Variants in GLI3 observed in about 807,000 individuals in gnomAD.
GLI3 encodes the protein transcription activator GLI3.
GLI3 carries 20 observed loss-of-function variants against 100.8 expected under a neutral mutation model. That is an observed-to-expected ratio of 0.20 (90% CI 0.14 to 0.29). The LOEUF is 0.29. Ranked by LOEUF, GLI3 falls within the 10% of genes least tolerant of loss-of-function variation. The pLI is 1.00. For missense variants in GLI3, 2,040 were observed against 2,128.5 expected (o/e 0.96, Z 0.82); for synonymous variants, 938 against 860.5 (o/e 1.09, Z -1.58).
Position 42,248,992 on chromosome 7 carries a change from T to C in GLI3, c.-43+15002A>G, listed in dbSNP as rs1789003392. ...CCTGGGCTCAAGAGACCCATTCACC[T>C]CAGCCTCCCAAAGTGGCTGGGATTG... On this transcript the variant is annotated intron_variant, in intron 1 of 2. Coordinates refer to the GLI3 transcript ENST00000678978. 2.0e-5 allele frequency among the ~76,000 whole-genome samples: 3 copies of C among 151,932 alleles called. No homozygotes were observed. The South Asian group carries it at 6.3e-4, about 32-fold the overall frequency.
intron 2 of GLI3, chr7:42,151,297 C>T (rs1255189247): frequency 6.6e-6 from 1 of 152,164 alleles, no homozygotes; most frequent in African/African-American, 2.4e-5. Flanking sequence ...ACACACTCCA[C>T]AATACAAACA....
chr7:42,214,310 G>T (rs912718325), intron 2 of GLI3, among the ~76,000 whole-genome samples: 13 of 152,130 alleles, frequency 8.5e-5, no homozygotes, highest in Non-Finnish European at 1.8e-4. Flanking sequence ...AAACCATTGT[G>T]TGGCACAGTC....
chr7:41,982,528 C>G (rs1210119670), intron 10 of GLI3, among the ~76,000 whole-genome samples: 1 of 151,782 alleles, frequency 6.6e-6, no homozygotes, highest in Non-Finnish European at 1.5e-5. Context: ...CTGAGCAACA[C>G]AGCGAGACCC....
chr7:42,202,720 A>T (rs1466730485), intron 2 of GLI3, among the ~76,000 whole-genome samples: 1 of 152,184 alleles, frequency 6.6e-6, no homozygotes, highest in Admixed American at 6.5e-5. Context: ...CCAGGCCCCC[A>T]GGCTGCCATC....
At chr7:42,159,534 T>C (rs1454547432) in intron 2 of GLI3, among the ~76,000 whole-genome samples, 1 of 152,242 alleles carries the variant, frequency 6.6e-6, no homozygotes, top group Non-Finnish European at 1.5e-5. Context: ...TCTCTTTTTT[T>C]AATCAAGAAC....
chr7:42,144,466 TC>T (rs947516726), intron 3 of GLI3, among the ~76,000 whole-genome samples: 5 of 151,814 alleles, frequency 3.3e-5, no homozygotes, highest in African/African-American at 1.2e-4. Context: ...TACCCCCGTA[TC>T]CCCCCGGGAG....
chr7:42,160,843 T>G lies in GLI3; in HGVS notation c.125-12375A>C, dbSNP rs530820510. On this transcript the variant is annotated intron_variant, in intron 2 of 14. Coordinates refer to ENST00000395925, the MANE Select transcript of GLI3 (RefSeq NM_000168.6). ...TTCACCAAGCATCAGGATAGACAGC[T>G]TAGGAGGGAATAACTGCTGTTTTAC... 1.4e-3 allele frequency among the ~76,000 whole-genome samples: 206 copies of G among 152,246 alleles called. 1 individual carries two copies. Among genetic ancestry groups the G allele is most frequent in the African/African-American group, 4.8e-3 (201 of 41,550 alleles).
rs1026291279 is a variant in GLI3, at chr7:42,077,893, G to A, written c.368-1036C>T. ...ACTCCATGTCTATGAGACTAAATAC[G>A]ACAGCAAAATGTGCCAGGACATGTT... On this transcript the variant is annotated intron_variant, in intron 3 of 14. Transcript: ENST00000395925. Among the ~76,000 whole-genome samples the A allele has an allele frequency of 4.1e-4, 63 of 152,300 alleles. 1 individual carries two copies. The highest frequency in any genetic ancestry group is 1.9e-4 in the East Asian group (1 of 5,186).
chr7:42,263,504 T>TTTCCCA (rs1353593971), intron 1 of GLI3, among the ~76,000 whole-genome samples: 2 of 151,906 alleles, frequency 1.3e-5, no homozygotes, highest in African/African-American at 2.4e-5. Flanking sequence ...TGGAGTGCAG[T>TTTCCCA]GGTGTGATCT....
intron 1 of GLI3, among the ~76,000 whole-genome samples, chr7:42,234,559 A>G (rs1788753556): frequency 1.3e-5 from 2 of 152,234 alleles, no homozygotes; most frequent in African/African-American, 4.8e-5. Context: ...TCCTTTGCAA[A>G]TTAGATATAC....
chr7:42,262,207 T>TCCTTCCTTCCTTCCTTA (rs779888359), intron 1 of GLI3, among the ~76,000 whole-genome samples: 1 of 131,022 alleles, frequency 7.6e-6, no homozygotes, highest in African/African-American at 3.3e-5. Context: ...TTTCCTTCCT[T>TCCTTCCTTCCTTCCTTA]CTTTCCTTCC....
intron 4 of GLI3, among the ~76,000 whole-genome samples, chr7:42,052,308 T>C (rs1784368430): frequency 6.6e-6 from 1 of 152,146 alleles, no homozygotes; most frequent in South Asian, 2.1e-4. Flanking sequence ...GAATCCCCTT[T>C]CCATAGCAAA....
At chr7:42,057,375 C>A (rs975129560) in intron 4 of GLI3, among the ~76,000 whole-genome samples, 31 of 152,210 alleles carry the variant, frequency 2.0e-4, no homozygotes, top group African/African-American at 7.0e-4. Flanking sequence ...CCAACAGGAA[C>A]TCTCAATATG....
At chr7:42,116,845 T>G (rs1227731419) in intron 3 of GLI3, among the ~76,000 whole-genome samples, 1 of 125,598 alleles carries the variant, frequency 8.0e-6, no homozygotes, top group African/African-American at 4.5e-5. Context: ...AGACCTCTTA[T>G]TATGGTCTCA....
chr7:41,988,541 C>T (rs1331126634), intron 10 of GLI3, among the ~76,000 whole-genome samples: 1 of 151,418 alleles, frequency 6.6e-6, no homozygotes, highest in East Asian at 1.9e-4. Flanking sequence ...GGATTAGTGA[C>T]CTTATAAAGG....
intron 10 of GLI3, among the ~76,000 whole-genome samples, chr7:41,999,960 T>C (rs908275443): frequency 1.3e-5 from 2 of 152,080 alleles, no homozygotes; most frequent in Non-Finnish European, 2.9e-5. Flanking sequence ...TGACATGCTG[T>C]ACTAACTAGA....
chr7:42,105,960 A>G (rs1392742106), intron 3 of GLI3, among the ~76,000 whole-genome samples: 1 of 152,194 alleles, frequency 6.6e-6, no homozygotes, highest in Non-Finnish European at 1.5e-5. Context: ...CAAATTTCTC[A>G]GTACATACCT....
chr7:42,058,375 G>A (rs1279779181), intron 4 of GLI3, among the ~76,000 whole-genome samples: 1 of 152,116 alleles, frequency 6.6e-6, no homozygotes, highest in Non-Finnish European at 1.5e-5. Flanking sequence ...TGTACATTTT[G>A]TGCAACTTTC....
At chr7:42,100,604 T>C (rs1229899914) in intron 3 of GLI3, among the ~76,000 whole-genome samples, 1 of 148,610 alleles carries the variant, frequency 6.7e-6, no homozygotes, top group East Asian at 2.0e-4. Context: ...TAGCCAGGTG[T>C]GGTGGTGCAC....
Sources: gnomAD v4.1 joint callset for allele counts (sites outside exome capture counted in the v4.1 genomes callset) on GRCh38, gnomAD v4.1.1 for gene constraint, MANE v1.5 for transcripts, NCBI Gene and HGNC (gene_info 2026-07-23, HGNC 2026-07-21) for gene names.